Variants in GLIS3 observed in about 807,000 individuals in gnomAD.
The protein encoded by GLIS3 is GLIS family zinc finger 3, also known as zinc finger protein GLIS3.
GLIS3 carries 53 observed loss-of-function variants against 78.6 expected under a neutral mutation model. That is an observed-to-expected ratio of 0.67 (90% CI 0.54 to 0.85). GLIS3 has a LOEUF of 0.85. Among genes scored for constraint, GLIS3 ranks in the 40% least tolerant of loss-of-function variants. GLIS3 has a pLI of 0.00. For missense variants in GLIS3, 1,703 were observed against 1,231.1 expected (o/e 1.38, Z -5.74); for synonymous variants, 684 against 509.9 (o/e 1.34, Z -4.60).
chr9:4,072,999 T>C (rs1343463390), intron 4 of GLIS3, among the ~76,000 whole-genome samples: 1 of 144,694 alleles, frequency 6.9e-6, no homozygotes, highest in African/African-American at 2.6e-5. Context: ...TCTTTTTCAC[T>C]TGGGTTTACT....
At chr9:3,896,000 C>T (rs181894813) in intron 7 of GLIS3, among the ~76,000 whole-genome samples, 43 of 152,324 alleles carry the variant, frequency 2.8e-4, no homozygotes, top group Non-Finnish European at 1.0e-4. Context: ...TATAATAGAA[C>T]ATAAAAGGGA....
intron 2 of GLIS3, among the ~76,000 whole-genome samples, chr9:4,168,330 A>T (rs887957751): frequency 2.6e-5 from 4 of 152,190 alleles, no homozygotes; most frequent in African/African-American, 9.7e-5. Context: ...TGTCTTTAAG[A>T]TATTTTTGAC....
At position 3,938,819 on chromosome 9, in the gene GLIS3, G is replaced by A. The variant is rs555370412; in HGVS notation, c.1711-1630C>T. On this transcript the variant is annotated intron_variant, in intron 4 of 10. Transcript: ENST00000381971. ...AGAGTGAAAGGAAACGTCACTAGAG[G>A]GAGAGAGGAGTTAAGGGGCTCATTT... Among the ~76,000 whole-genome samples the A allele has an allele frequency of 4.6e-5, 7 of 152,264 alleles. No individual in the cohort carries two copies. The South Asian group carries it at 1.2e-3, about 27-fold the overall frequency.
chr9:3,864,998 C>T lies in GLIS3; in HGVS notation c.2298-8814G>A, dbSNP rs951636167. The stretch of plus-strand genomic sequence containing the variant: ...AATTCCTGTGCCCAGGTAGATGATA[C>T]ATTTGCCCACTTGGTGCAAATGTCC... On this transcript the variant is annotated intron_variant, in intron 8 of 10. Transcript: ENST00000381971. Among the ~76,000 whole-genome samples, 9 of 152,128 alleles carry T rather than the reference C, an allele frequency of 5.9e-5. No homozygotes were observed. In the East Asian group the frequency reaches 1.4e-3, roughly 23 times the overall value.
At chr9:4,145,438 C>T (rs932648217) in intron 2 of GLIS3, among the ~76,000 whole-genome samples, 8 of 141,898 alleles carry the variant, frequency 5.6e-5, no homozygotes, top group African/African-American at 2.0e-4. Flanking sequence ...CTTTTGCACA[C>T]AACTGCTGTG....
At chr9:4,057,127 C>T (rs1826217601) in intron 4 of GLIS3, among the ~76,000 whole-genome samples, 1 of 152,044 alleles carries the variant, frequency 6.6e-6, no homozygotes, top group Non-Finnish European at 1.5e-5. Context: ...CATGAAGCGT[C>T]AACAATGCCC....
intron 2 of GLIS3, among the ~76,000 whole-genome samples, chr9:4,272,936 C>G (rs925551886): frequency 5.3e-5 from 8 of 152,042 alleles, no homozygotes; most frequent in African/African-American, 1.9e-4. Flanking sequence ...ATATGATCAC[C>G]CTACCTAAAT....
rs1466338341 is a variant in GLIS3, at chr9:4,123,963, C to T, written c.596+1771G>A. The T allele has an allele frequency of 1.8e-5, 7 of 390,104 alleles. No homozygotes were observed. The East Asian group carries it at 2.2e-4, about 12-fold the overall frequency. The allele number at this position is 390,104 out of a possible 1,614,324, so 24.2% of individuals were successfully genotyped here. Reference sequence around the variant, plus strand: ...CTTTTCCACTTCCATCCACTCCCAGCATGCCCCCAATGTATAAAACGCTAA... The same window carrying T: ...CTTTTCCACTTCCATCCACTCCCAGTATGCCCCCAATGTATAAAACGCTAA... On this transcript the variant is annotated intron_variant, in intron 3 of 10. Coordinates refer to ENST00000381971, the MANE Select transcript of GLIS3 (RefSeq NM_001042413.2).
intron 2 of GLIS3, among the ~76,000 whole-genome samples, chr9:4,266,839 T>C (rs569054736): frequency 2.8e-4 from 43 of 152,346 alleles, no homozygotes; most frequent in African/African-American, 9.1e-4. Context: ...TCTTTTCTTC[T>C]AAATTTACCA....
chr9:4,397,247 G>A, the GLIS3 span, among the ~76,000 whole-genome samples: 28 of 147,174 alleles, frequency 1.9e-4, 2 homozygotes, highest in East Asian at 6.1e-4. Flanking sequence ...GGATGGTCTC[G>A]ATCTCCTGAC....
chr9:4,233,832 T>C (rs1182661867), intron 2 of GLIS3, among the ~76,000 whole-genome samples: 1 of 152,250 alleles, frequency 6.6e-6, no homozygotes, highest in East Asian at 1.9e-4. Flanking sequence ...CTGTTTAGTG[T>C]AGCCATCATC....
chr9:4,385,704 A>C, the GLIS3 span, among the ~76,000 whole-genome samples: 61,665 of 88,506 alleles, frequency 0.7, 26,123 homozygotes, highest in Non-Finnish European at 0.85. Flanking sequence ...GAAAGAAACA[A>C]AGAAAGGAGA....
chr9:4,002,153 A>G (rs1157070686), intron 4 of GLIS3, among the ~76,000 whole-genome samples: 1 of 152,234 alleles, frequency 6.6e-6, no homozygotes, highest in African/African-American at 2.4e-5. Flanking sequence ...TAGGAAGATC[A>G]TTGAGTAGTA....
Position 4,118,539 on chromosome 9 carries a change from C to A in GLIS3, c.939G>T (p.Gly313=). The A allele has an allele frequency of 6.2e-7, 1 of 1,614,242 alleles. No individual in the cohort carries two copies. Among genetic ancestry groups the A allele is most frequent in the Non-Finnish European group, 8.5e-7 (1 of 1,180,038 alleles). The change falls in exon 4 of 11, where the codon GGG becomes GGT. Residue 313 remains glycine (G), a synonymous_variant. Transcript: ENST00000381971. The surrounding 1 kb of genome is among the most constrained non-coding windows in gnomAD (Gnocchi z 4.7). ...LSLSPLSDGI[G]IDFNTIIRTS... The stretch of plus-strand genomic sequence containing the variant: ...TGCGGATGATGGTATTGAAATCTAT[C>A]CCGATGCCATCGGACAGCGGGGACA...
chr9:4,285,120 T>C (rs1329763249), intron 2 of GLIS3, among the ~76,000 whole-genome samples: 1 of 152,174 alleles, frequency 6.6e-6, no homozygotes, highest in Non-Finnish European at 1.5e-5. Flanking sequence ...TTCTATTTGC[T>C]GGTGTAAGCA....
chr9:4,008,924 C>T (rs1821778553), intron 4 of GLIS3, among the ~76,000 whole-genome samples: 1 of 151,992 alleles, frequency 6.6e-6, no homozygotes, highest in Non-Finnish European at 1.5e-5. Flanking sequence ...TTCAGGTCCC[C>T]TAACTCACAG....
At chr9:4,160,286 G>A (rs1205564481) in intron 2 of GLIS3, among the ~76,000 whole-genome samples, 1 of 152,198 alleles carries the variant, frequency 6.6e-6, no homozygotes, top group African/African-American at 2.4e-5. Context: ...AACTGACCAC[G>A]CTGGCACTGA....
At chr9:4,483,476 T>G in the GLIS3 span, among the ~76,000 whole-genome samples, 1 of 152,024 alleles carries the variant, frequency 6.6e-6, no homozygotes, top group South Asian at 2.1e-4. Flanking sequence ...TCTCAGCACT[T>G]TGGGAGGCCA....
chr9:4,086,919 G>A (rs932635871), intron 4 of GLIS3, among the ~76,000 whole-genome samples: 1 of 152,140 alleles, frequency 6.6e-6, no homozygotes, highest in African/African-American at 2.4e-5. Context: ...TTAGAGACAT[G>A]TCCTCCACAT....
Sources: gnomAD v4.1 joint callset for allele counts (sites outside exome capture counted in the v4.1 genomes callset) on GRCh38, gnomAD v4.1.1 for gene constraint, Gnocchi (gnomAD v3.1) non-coding constraint, MANE v1.5 for transcripts, NCBI Gene and HGNC (gene_info 2026-07-23, HGNC 2026-07-21) for gene names.